Variants in HEMK2 observed in about 807,000 individuals in gnomAD.
HEMK2 encodes HemK methyltransferase 2, ETF1 glutamine and histone H4 lysine, also known as methyltransferase HEMK2.
the HEMK2 span, among the ~76,000 whole-genome samples, chr21:28,785,497 G>A: frequency 3.9e-5 from 6 of 152,216 alleles, no homozygotes; most frequent in African/African-American, 1.2e-4. Context: ...TATCCACAAG[G>A]TTTGCCATGT....
chr21:28,669,737 C>A, the HEMK2 span, among the ~76,000 whole-genome samples: 2 of 152,186 alleles, frequency 1.3e-5, no homozygotes, highest in African/African-American at 4.8e-5. Flanking sequence ...ATCAATCCAT[C>A]TCCATATGAA....
At chr21:28,727,936 A>G in the HEMK2 span, among the ~76,000 whole-genome samples, 1,189 of 152,372 alleles carry the variant, frequency 7.8e-3, 13 homozygotes, top group African/African-American at 0.026. Context: ...ATGCATACAC[A>G]TAATAATCTG....
chr21:28,805,202 C>T, the HEMK2 span, among the ~76,000 whole-genome samples: 2 of 152,178 alleles, frequency 1.3e-5, no homozygotes, highest in Admixed American at 6.5e-5. Flanking sequence ...CCGACTTTAT[C>T]ACTGGGCCAT....
chr21:28,814,536 GA>G, the HEMK2 span, among the ~76,000 whole-genome samples: 296 of 133,972 alleles, frequency 2.2e-3, 1 homozygote, highest in African/African-American at 6.3e-3. Flanking sequence ...AAATTTACAA[GA>G]AAAAAAAAAA....
At chr21:28,861,279 G>A in the HEMK2 span, among the ~76,000 whole-genome samples, 1 of 152,202 alleles carries the variant, frequency 6.6e-6, no homozygotes, top group Non-Finnish European at 1.5e-5. Context: ...GGGCATACCT[G>A]CTGTAATAAA....
the HEMK2 span, among the ~76,000 whole-genome samples, chr21:28,731,927 T>A: frequency 6.6e-6 from 1 of 152,200 alleles, no homozygotes; most frequent in South Asian, 2.1e-4. Context: ...CAGTAGCTGG[T>A]AGCCCACACA....
chr21:28,833,648 T>C, the HEMK2 span, among the ~76,000 whole-genome samples: 1 of 152,246 alleles, frequency 6.6e-6, no homozygotes, highest in Non-Finnish European at 1.5e-5. Flanking sequence ...AAAAATGTTT[T>C]TCCAAATTTA....
the HEMK2 span, among the ~76,000 whole-genome samples, chr21:28,785,223 G>GC: frequency 6.6e-6 from 1 of 152,184 alleles, no homozygotes; most frequent in Non-Finnish European, 1.5e-5. Context: ...AGGGTCCGCG[G>GC]CTTCATTCTT....
the HEMK2 span, among the ~76,000 whole-genome samples, chr21:28,752,592 C>CA: frequency 2.0e-5 from 3 of 152,272 alleles, 1 homozygote; most frequent in African/African-American, 7.2e-5. Flanking sequence ...CAGACCCTTC[C>CA]AGCTGTGGAT....
At chr21:28,599,351 G>C in the HEMK2 span, among the ~76,000 whole-genome samples, 1 of 152,170 alleles carries the variant, frequency 6.6e-6, no homozygotes, top group African/African-American at 2.4e-5. Context: ...AAGGCAAAAG[G>C]CATGTCTTAC....
chr21:28,788,209 CGTATATAT>C, the HEMK2 span, among the ~76,000 whole-genome samples: 7 of 144,316 alleles, frequency 4.9e-5, no homozygotes, highest in South Asian at 6.4e-4. Context: ...CGTATATATA[CGTATATAT>C]GTATATATAC....
the HEMK2 span, among the ~76,000 whole-genome samples, chr21:28,614,478 A>G: frequency 1.3e-5 from 2 of 152,202 alleles, no homozygotes; most frequent in African/African-American, 4.8e-5. Flanking sequence ...ACTTTGAAAT[A>G]AAAAGCTTTC....
chr21:28,761,266 A>C, the HEMK2 span, among the ~76,000 whole-genome samples: 1 of 152,140 alleles, frequency 6.6e-6, no homozygotes, highest in Non-Finnish European at 1.5e-5. Context: ...AATTCAGCGA[A>C]AAAAATATAT....
chr21:28,757,709 T>C, the HEMK2 span, among the ~76,000 whole-genome samples: 3 of 152,032 alleles, frequency 2.0e-5, no homozygotes, highest in African/African-American at 2.4e-5. Flanking sequence ...GAAGAAAGAA[T>C]TGAGTTGGTC....
chr21:28,791,174 C>A, the HEMK2 span, among the ~76,000 whole-genome samples: 1 of 152,070 alleles, frequency 6.6e-6, no homozygotes, highest in Non-Finnish European at 1.5e-5. Context: ...CCAGGTCACA[C>A]CCCACACTCA....
At chr21:28,863,698 A>G in the HEMK2 span, among the ~76,000 whole-genome samples, 2 of 151,928 alleles carry the variant, frequency 1.3e-5, no homozygotes, top group African/African-American at 4.8e-5. Flanking sequence ...TCAGATTAAG[A>G]GACCACCAAG....
the HEMK2 span, among the ~76,000 whole-genome samples, chr21:28,641,299 T>A: frequency 2.0e-5 from 3 of 152,202 alleles, no homozygotes; most frequent in Non-Finnish European, 4.4e-5. Context: ...TGGAAGGTGA[T>A]GTTTTGAACT....
the HEMK2 span, among the ~76,000 whole-genome samples, chr21:28,756,099 A>ATTTG: frequency 0.024 from 3,718 of 152,308 alleles, 154 homozygotes; most frequent in African/African-American, 0.086. Context: ...ACACAAGGCC[A>ATTTG]GTTCTGGCAT....
chr21:28,746,579 G>A, the HEMK2 span, among the ~76,000 whole-genome samples: 1 of 151,916 alleles, frequency 6.6e-6, no homozygotes, highest in East Asian at 1.9e-4. Context: ...AACTATACTG[G>A]AAATCAAAAT....
Sources: allele counts gnomAD v4.1 joint callset (sites outside exome capture counted in the v4.1 genomes callset), GRCh38; gene constraint gnomAD v4.1.1; transcripts MANE v1.5; gene names NCBI Gene and HGNC (gene_info 2026-07-23, HGNC 2026-07-21).